Variants in EPB41L5 observed in about 807,000 individuals in gnomAD.
The protein encoded by EPB41L5 is band 4.1-like protein 5.
In EPB41L5, 55 loss-of-function variants were observed where a neutral mutation model predicts 106.6. That is an observed-to-expected ratio of 0.52 (90% CI 0.42 to 0.65). The LOEUF is 0.65. Among genes scored for constraint, EPB41L5 ranks in the 30% least tolerant of loss-of-function variants. EPB41L5 has a pLI of 0.00. For synonymous variants in EPB41L5, 297 were observed against 306.7 expected (o/e 0.97, Z 0.33); for missense variants, 871 against 882.1 (o/e 0.99, Z 0.16).
intron 3 of EPB41L5, among the ~76,000 whole-genome samples, chr2:120,050,730 C>T (rs1428486970): frequency 3.9e-5 from 6 of 152,172 alleles, no homozygotes; most frequent in East Asian, 1.9e-4. Flanking sequence ...GGGGGAGAGG[C>T]GCTCTGATTT....
intron 16 of EPB41L5, chr2:120,104,854 T>C (rs1684357296): frequency 1.0e-6 from 1 of 970,792 alleles, no homozygotes; most frequent in African/African-American, 1.8e-5. Context: ...ATAATGTGGC[T>C]CATGTATAGA....
At chr2:120,133,402 A>G (rs72841633) in intron 18 of EPB41L5, among the ~76,000 whole-genome samples, 4,074 of 152,102 alleles carry the variant, frequency 0.027, 62 homozygotes, top group Middle Eastern at 0.034. Flanking sequence ...CCCCTCCCCT[A>G]TGGAGGAGTG....
At chr2:120,029,534 TCTG>T (rs1337107545) in intron 2 of EPB41L5, among the ~76,000 whole-genome samples, 1 of 152,136 alleles carries the variant, frequency 6.6e-6, no homozygotes, top group African/African-American at 2.4e-5. Flanking sequence ...AGAAATACCT[TCTG>T]CTGAGAAAGA....
intron 3 of EPB41L5, among the ~76,000 whole-genome samples, chr2:120,059,960 A>T (rs1396127120): frequency 6.6e-6 from 1 of 152,120 alleles, no homozygotes. Context: ...AACAAAAGAC[A>T]TGAAGAGACA....
At chr2:120,102,891 T>G (rs1040939823) in intron 16 of EPB41L5, among the ~76,000 whole-genome samples, 2 of 152,202 alleles carry the variant, frequency 1.3e-5, no homozygotes, top group African/African-American at 4.8e-5. Context: ...GAATAGTGTT[T>G]AGAAAACCTT....
chr2:120,090,570 T>G (rs1227752281), intron 12 of EPB41L5, 54 bp downstream of exon 12: 4 of 1,507,610 alleles, frequency 2.7e-6, no homozygotes, highest in Non-Finnish European at 3.6e-6. Flanking sequence ...GCCAAAAAAT[T>G]TAGGCCAATC....
At chr2:120,098,371 C>T (rs1413133061) in intron 14 of EPB41L5, among the ~76,000 whole-genome samples, 1 of 151,870 alleles carries the variant, frequency 6.6e-6, no homozygotes, top group Non-Finnish European at 1.5e-5. Context: ...CACCCTCACA[C>T]GTAGCTATTT....
intron 2 of EPB41L5, among the ~76,000 whole-genome samples, chr2:120,036,892 A>G (rs148949985): frequency 4.0e-4 from 61 of 152,248 alleles, no homozygotes; most frequent in African/African-American, 1.4e-3. Flanking sequence ...GAAATTCAAA[A>G]GTAGGAGTTC....
intron 11 of EPB41L5, among the ~76,000 whole-genome samples, chr2:120,088,974 C>G (rs546862169): frequency 3.9e-5 from 6 of 152,212 alleles, no homozygotes; most frequent in Non-Finnish European, 7.4e-5. Context: ...TATTAATTCT[C>G]TGTCAGATAT....
At chr2:120,021,015 G>A (rs1472702870) in intron 2 of EPB41L5, among the ~76,000 whole-genome samples, 1 of 152,152 alleles carries the variant, frequency 6.6e-6, no homozygotes, top group Non-Finnish European at 1.5e-5. Context: ...TAGTGAAACA[G>A]CTGGAGATAT....
At chr2:120,018,800 C>T (rs1485615919) in intron 1 of EPB41L5, among the ~76,000 whole-genome samples, 1 of 152,026 alleles carries the variant, frequency 6.6e-6, no homozygotes, top group African/African-American at 2.4e-5. Context: ...AGGCATGCAC[C>T]ACCACACCTG....
At chr2:120,155,763 T>C (rs1686873309) in intron 20 of EPB41L5, among the ~76,000 whole-genome samples, 2 of 152,000 alleles carry the variant, frequency 1.3e-5, no homozygotes, top group African/African-American at 4.8e-5. Flanking sequence ...TCTGCCTGCT[T>C]GAATCTGCTA....
chr2:120,086,997 A>G (rs977646963), intron 10 of EPB41L5, among the ~76,000 whole-genome samples, 174 bp from the exon 11 acceptor site: 19 of 152,178 alleles, frequency 1.2e-4, no homozygotes, highest in African/African-American at 4.6e-4. Flanking sequence ...TGAAATATGT[A>G]CTGTGTTTTT....
intron 3 of EPB41L5, among the ~76,000 whole-genome samples, chr2:120,062,478 T>A (rs1681148356): frequency 6.6e-6 from 1 of 152,118 alleles, no homozygotes; most frequent in South Asian, 2.1e-4. Context: ...TTCTGGATTT[T>A]AAAAAAATTA....
At chr2:120,048,039 G>T (rs542053215) in intron 3 of EPB41L5, among the ~76,000 whole-genome samples, 1 of 152,204 alleles carries the variant, frequency 6.6e-6, no homozygotes, top group African/African-American at 2.4e-5. Flanking sequence ...TAAGCTTTTT[G>T]ATGTGCTCCT....
chr2:120,107,628 G>A (rs1684526582), intron 16 of EPB41L5, among the ~76,000 whole-genome samples: 1 of 152,072 alleles, frequency 6.6e-6, no homozygotes, highest in South Asian at 2.1e-4. Flanking sequence ...TATAAAATGT[G>A]ATTTGTCAGA....
At chr2:120,159,203 TC>T (rs1286919874) in intron 20 of EPB41L5, among the ~76,000 whole-genome samples, 1 of 149,146 alleles carries the variant, frequency 6.7e-6, no homozygotes, top group Non-Finnish European at 1.5e-5. Context: ...GGCGGGTGGA[TC>T]ACGAGGTCAG....
At position 120,087,260 on chromosome 2, in the gene EPB41L5, C is replaced by A; in HGVS notation, c.873+20C>A. 1 of 1,368,406 alleles carries A rather than the reference C, an allele frequency of 7.3e-7. No individual in the cohort carries two copies. The highest frequency in any genetic ancestry group is 1.0e-6 in the Non-Finnish European group (1 of 963,644). The allele number at this position is 1,368,406 out of a possible 1,614,324, so 84.8% of individuals were successfully genotyped here. A position where few individuals can be genotyped will look rare whatever the true frequency, so the allele number is the denominator to read the frequency against. Reference sequence around the variant, plus strand: ...GATCAGGTAGGAATAAAATTATATTCTATTACTTGTGTAACAGTGACTGTA... The same window carrying A: ...GATCAGGTAGGAATAAAATTATATTATATTACTTGTGTAACAGTGACTGTA... On this transcript the variant is annotated intron_variant, in intron 11 of 24. Coordinates refer to ENST00000263713, the MANE Select transcript of EPB41L5 (RefSeq NM_020909.4).
At chr2:120,150,146 C>T (rs1453343700) in intron 20 of EPB41L5, among the ~76,000 whole-genome samples, 1 of 152,090 alleles carries the variant, frequency 6.6e-6, no homozygotes, top group East Asian at 1.9e-4. Flanking sequence ...AGCCTCCCAT[C>T]CCAGCCTTCC....
Sources: gnomAD v4.1 joint callset for allele counts (sites outside exome capture counted in the v4.1 genomes callset) on GRCh38, gnomAD v4.1.1 for gene constraint, MANE v1.5 for transcripts, NCBI Gene and HGNC (gene_info 2026-07-23, HGNC 2026-07-21) for gene names.